VTI1A: variants seen among roughly 807,000 people sequenced by gnomAD.
VTI1A encodes the protein vesicle transport through interaction with t-SNAREs 1A.
A neutral mutation model predicts 34.9 loss-of-function variants in VTI1A; 22 were observed. That is an observed-to-expected ratio of 0.63 (90% CI 0.45 to 0.90). VTI1A has a LOEUF of 0.90. VTI1A is among the 40% of genes least tolerant of loss of function. VTI1A has a pLI of 0.00. For missense variants in VTI1A, 268 were observed against 275.6 expected, an observed-to-expected ratio of 0.97 and a Z score of 0.20; for synonymous variants, 87 against 97.3, an observed-to-expected ratio of 0.89 and a Z score of 0.62.
intron 5 of VTI1A, among the ~76,000 whole-genome samples, chr10:112,606,134 C>T (rs921643043): frequency 5.9e-5 from 9 of 151,412 alleles, no homozygotes; most frequent in African/African-American, 1.9e-4. Flanking sequence ...AAGCAATTCT[C>T]CTGCCTCAGC....
At chr10:112,687,798 C>G (rs1004207704) in intron 7 of VTI1A, among the ~76,000 whole-genome samples, 2 of 152,026 alleles carry the variant, frequency 1.3e-5, no homozygotes, top group African/African-American at 4.8e-5. Context: ...ATTTCATCAG[C>G]ATGACTAAAG....
intron 7 of VTI1A, among the ~76,000 whole-genome samples, chr10:112,770,536 C>T (rs1199372979): frequency 1.3e-5 from 2 of 151,412 alleles, no homozygotes; most frequent in Non-Finnish European, 2.9e-5. Flanking sequence ...GCTGGGACTA[C>T]AGGCGCCTGT....
intron 1 of VTI1A, among the ~76,000 whole-genome samples, 179 bp from the exon 2 acceptor site, chr10:112,460,345 A>G (rs144291775): frequency 1.8e-3 from 270 of 152,092 alleles, no homozygotes; most frequent in African/African-American, 6.3e-3. Flanking sequence ...ATGTTTCTAG[A>G]TAGCCTGGAA....
At chr10:112,813,177 G>A (rs1853378722) in intron 7 of VTI1A, among the ~76,000 whole-genome samples, 1 of 152,238 alleles carries the variant, frequency 6.6e-6, no homozygotes, top group South Asian at 2.1e-4. Context: ...GGTGCACCAA[G>A]GAGGGGGTGA....
chr10:112,702,398 A>T (rs1464710485), intron 7 of VTI1A, among the ~76,000 whole-genome samples: 1 of 152,160 alleles, frequency 6.6e-6, no homozygotes, highest in Admixed American at 6.6e-5. Context: ...ACTATGTCAC[A>T]TAGTGCCCTG....
chr10:112,538,521 A>G, intron 5 of VTI1A, 191 bp downstream of exon 5: 2 of 555,110 alleles, frequency 3.6e-6, no homozygotes, highest in Non-Finnish European at 6.5e-6. Context: ...ATCTACTGAA[A>G]ACAGTTCCTG....
At position 112,488,227 on chromosome 10, in the gene VTI1A, T is replaced by C. The variant is rs1848706962; in HGVS notation, c.264+23570T>C. Among the ~76,000 whole-genome samples the C allele has an allele frequency of 2.0e-5, 3 of 152,236 alleles. No individual in the cohort carries two copies. In the East Asian group the frequency reaches 5.8e-4, roughly 29 times the overall value. Reference sequence around the variant, plus strand: ...AATTAGTGTTGTTGCTCCAACTACATTATATGCTATTTTAGAGCAGGAACT... The same window carrying C: ...AATTAGTGTTGTTGCTCCAACTACACTATATGCTATTTTAGAGCAGGAACT... On this transcript the variant is annotated intron_variant, in intron 3 of 7. Transcript: ENST00000393077.
At chr10:112,784,530 T>C (rs1286776644) in intron 7 of VTI1A, among the ~76,000 whole-genome samples, 1 of 152,170 alleles carries the variant, frequency 6.6e-6, no homozygotes, top group African/African-American at 2.4e-5. Flanking sequence ...AACAGAGTAG[T>C]CCTAATTGTA....
At chr10:112,511,239 T>G (rs1286552377) in intron 3 of VTI1A, among the ~76,000 whole-genome samples, 1 of 151,772 alleles carries the variant, frequency 6.6e-6, no homozygotes, top group African/African-American at 2.4e-5. Flanking sequence ...ATGGGATACA[T>G]GTGAGGTTTT....
At chr10:112,691,302 T>TG (rs1848606632) in intron 7 of VTI1A, among the ~76,000 whole-genome samples, 3 of 150,750 alleles carry the variant, frequency 2.0e-5, no homozygotes, top group African/African-American at 7.4e-5. Context: ...AATAAATAAA[T>TG]AAATGAAAGT....
chr10:112,524,040 T>A (rs1850126157), intron 3 of VTI1A, among the ~76,000 whole-genome samples: 1 of 152,132 alleles, frequency 6.6e-6, no homozygotes, highest in Non-Finnish European at 1.5e-5. Flanking sequence ...GGTTTTTTTT[T>A]AATTCCATAA....
intron 7 of VTI1A, among the ~76,000 whole-genome samples, chr10:112,799,177 C>T (rs867682536): frequency 1.3e-5 from 2 of 152,074 alleles, no homozygotes; most frequent in African/African-American, 4.8e-5. Context: ...CCGCAGGGGT[C>T]AAGAGGGCTG....
chr10:112,482,678 G>A (rs1000828836), intron 3 of VTI1A, among the ~76,000 whole-genome samples: 2 of 152,052 alleles, frequency 1.3e-5, no homozygotes, highest in South Asian at 2.1e-4. Flanking sequence ...TTCAAAATGC[G>A]AACTGTATTT....
intron 5 of VTI1A, among the ~76,000 whole-genome samples, chr10:112,638,454 A>T (rs1018971401): frequency 6.6e-6 from 1 of 152,232 alleles, no homozygotes; most frequent in African/African-American, 2.4e-5. Context: ...CTAAACATTT[A>T]CTTATTTTAA....
At chr10:112,831,703 C>T in the VTI1A span, 5 of 152,318 alleles carry the variant, frequency 3.3e-5, no homozygotes, top group East Asian at 7.7e-4. Context: ...TGATTTTTCC[C>T]TTACAATGAC....
At chr10:112,691,303 A>AAATAAATAAATG (rs1411634018) in intron 7 of VTI1A, among the ~76,000 whole-genome samples, 8 of 147,844 alleles carry the variant, frequency 5.4e-5, no homozygotes, top group East Asian at 2.0e-4. Flanking sequence ...ATAAATAAAT[A>AAATAAATAAATG]AATGAAAGTT....
chr10:112,566,957 A>G (rs190583052), intron 5 of VTI1A, among the ~76,000 whole-genome samples: 1 of 152,242 alleles, frequency 6.6e-6, no homozygotes, highest in African/African-American at 2.4e-5. Flanking sequence ...TAAAAAGAAA[A>G]TCATATTTGG....
At chr10:112,854,867 C>T in the VTI1A span, among the ~76,000 whole-genome samples, 1 of 152,184 alleles carries the variant, frequency 6.6e-6, no homozygotes, top group Non-Finnish European at 1.5e-5. Context: ...CTTCCTGCAG[C>T]TCAAAGCTGG....
chr10:112,837,193 G>A, the VTI1A span, among the ~76,000 whole-genome samples: 1,634 of 152,340 alleles, frequency 0.011, 31 homozygotes, highest in African/African-American at 0.038. Flanking sequence ...GGTGTGTGGT[G>A]GTGCACACCG....
Sources: gnomAD v4.1 joint callset for allele counts (sites outside exome capture counted in the v4.1 genomes callset) on GRCh38, gnomAD v4.1.1 for gene constraint, MANE v1.5 for transcripts, NCBI Gene and HGNC (gene_info 2026-07-23, HGNC 2026-07-21) for gene names.